Variants in GARNL3 observed in about 807,000 individuals in gnomAD.
The protein encoded by GARNL3 is GTPase activating Rap/RanGAP domain like 3, also known as GTPase-activating Rap/Ran-GAP domain-like protein 3.
Under a neutral mutation model 125.0 loss-of-function variants are expected in GARNL3, and 63 were observed. The observed-to-expected ratio is 0.50, with a 90% CI of 0.41 to 0.62. GARNL3 has a LOEUF of 0.62. GARNL3 is among the 20% of genes least tolerant of loss of function. GARNL3 has a pLI of 0.00. For missense variants in GARNL3, 994 were observed against 1,244.0 expected (o/e 0.80, Z 3.02); for synonymous variants, 439 against 457.5 (o/e 0.96, Z 0.52).
intron 2 of GARNL3, among the ~76,000 whole-genome samples, chr9:127,310,799 TTTGCCATTAAA>T (rs2065073936): frequency 6.6e-6 from 1 of 151,716 alleles, no homozygotes; most frequent in Non-Finnish European, 1.5e-5. Context: ...AAAAATACAT[TTTGCCATTAAA>T]TTGTAAGGAG....
chr9:127,263,782 G>T, upstream of GARNL3: 1 of 1,242,054 alleles, frequency 8.1e-7, no homozygotes. Context: ...TCTCATATAA[G>T]ATTAATTCAG....
intron 16 of GARNL3, among the ~76,000 whole-genome samples, chr9:127,347,880 C>T (rs369648571): frequency 5.9e-5 from 9 of 152,092 alleles, no homozygotes; most frequent in South Asian, 2.1e-4. Context: ...TTTTTGAGAC[C>T]GTGCATTTCC....
In GARNL3 at chr9:127,339,687, T is replaced by G; in HGVS notation, c.1071T>G (p.Pro357=). Residue 357 remains proline, a synonymous_variant, in exon 13 of 28, where the codon CCT becomes CCG. Coordinates refer to ENST00000373387, the MANE Select transcript of GARNL3 (RefSeq NM_032293.5). ...AAGAGAGCGTACCACTCTTTGGCCC[T>G]CCCTTGCCAACTCCACCAGTGTTTA... ...FSEESVPLFG[P]PLPTPPVFTD... The G allele has an allele frequency of 6.2e-7, 1 of 1,613,838 alleles. No homozygotes were observed. The highest frequency in any genetic ancestry group is 8.5e-7 in the Non-Finnish European group (1 of 1,179,684).
chr9:127,294,617 G>A (rs2064529442), intron 2 of GARNL3, among the ~76,000 whole-genome samples: 1 of 152,220 alleles, frequency 6.6e-6, no homozygotes, highest in Non-Finnish European at 1.5e-5. Context: ...TGCTTTTAAG[G>A]AGATGATTTT....
At chr9:127,274,753 A>G (rs2063910067) in intron 1 of GARNL3, among the ~76,000 whole-genome samples, 1 of 152,202 alleles carries the variant, frequency 6.6e-6, no homozygotes, top group South Asian at 2.1e-4. Context: ...ATCAATGTAT[A>G]ATAGTTTATT....
chr9:127,380,683 G>A (rs1832202552), intron 22 of GARNL3, among the ~76,000 whole-genome samples: 2 of 152,160 alleles, frequency 1.3e-5, no homozygotes, highest in Admixed American at 1.3e-4. Context: ...GACACAAAAG[G>A]CCACATGTTG....
intron 17 of GARNL3, among the ~76,000 whole-genome samples, chr9:127,351,763 A>T (rs1830435910): frequency 6.6e-6 from 1 of 152,352 alleles, no homozygotes; most frequent in African/African-American, 2.4e-5. Flanking sequence ...CTACTTTGAA[A>T]GGAAACTGAA....
rs964220057 is a variant in GARNL3, at chr9:127,227,697, G to A, written c.-29+3359G>A. On this transcript the variant is annotated intron_variant, in intron 1 of 10. Transcript: ENST00000439286. Reference sequence around the variant, plus strand: ...ATTGGGAGGCTGAGGCACGGGGACCGCTTGAGGCCTCAGGAGTTCAAGACT... The same window carrying A: ...ATTGGGAGGCTGAGGCACGGGGACCACTTGAGGCCTCAGGAGTTCAAGACT... Among the ~76,000 whole-genome samples, 6 of 152,002 alleles carry A rather than the reference G, an allele frequency of 3.9e-5. No homozygotes were observed. The South Asian group carries it at 8.3e-4, about 21-fold the overall frequency.
At chr9:127,289,517 G>A (rs2064351192) in intron 1 of GARNL3, among the ~76,000 whole-genome samples, 1 of 152,230 alleles carries the variant, frequency 6.6e-6, no homozygotes, top group African/African-American at 2.4e-5. Flanking sequence ...AGCACCGAGT[G>A]GAATGTTGCT....
chr9:127,293,002 AAATAT>A (rs1159144159), intron 2 of GARNL3, among the ~76,000 whole-genome samples: 1 of 152,224 alleles, frequency 6.6e-6, no homozygotes, highest in Non-Finnish European at 1.5e-5. Flanking sequence ...GCTTCTCTGG[AAATAT>A]AATATCAAGG....
intron 2 of GARNL3, among the ~76,000 whole-genome samples, chr9:127,244,489 G>C (rs1344744253): frequency 1.3e-5 from 2 of 152,158 alleles, no homozygotes; most frequent in African/African-American, 4.8e-5. Flanking sequence ...ATAGAAGTCT[G>C]CCCTGCCCCT....
chr9:127,348,985 G>C lies in GARNL3; in HGVS notation c.1493G>C (p.Trp498Ser). The change falls in exon 17 of 28, where the codon TGG (tryptophan) becomes TCG (serine). Residue 498 changes from tryptophan (W) to serine (S), a missense_variant. Coordinates refer to ENST00000373387, the MANE Select transcript of GARNL3 (RefSeq NM_032293.5). Reference sequence around the variant, plus strand: ...CATGAAGCCGTGTGTGCAGATCCCTGGGGCCAGGCCTTGCTGGTTTCCACT... The same window carrying C: ...CATGAAGCCGTGTGTGCAGATCCCTCGGGCCAGGCCTTGCTGGTTTCCACT... ...FPHEAVCADP[W>S]GQALLVSTDA... is the part of the protein sequence containing the mutation. 1.9e-6 allele frequency: 3 copies of C among 1,614,030 alleles called. No homozygotes were observed. Among genetic ancestry groups the C allele is most frequent in the Non-Finnish European group, 2.5e-6 (3 of 1,179,980 alleles).
chr9:127,242,017 T>C lies in GARNL3; in HGVS notation c.-28-1062T>C, dbSNP rs1285094525. On this transcript the variant is annotated intron_variant, in intron 1 of 10. Transcript: ENST00000439286. The surrounding 1 kb of genome is among the most constrained non-coding windows in gnomAD (Gnocchi z 4.6). ...GCCTTGGGTCTAACTGGCACCACTA[T>C]AGAACCTTCAGAGTGGCCAGTGCCT... is the stretch of plus-strand genomic sequence containing the variant. Among the ~76,000 whole-genome samples the C allele has an allele frequency of 6.6e-6, 1 of 152,072 alleles. No homozygotes were observed. The highest frequency in any genetic ancestry group is 1.5e-5 in the Non-Finnish European group (1 of 68,022).
At chr9:127,246,546 C>T (rs2063307242) in intron 2 of GARNL3, among the ~76,000 whole-genome samples, 1 of 152,088 alleles carries the variant, frequency 6.6e-6, no homozygotes, top group Admixed American at 6.5e-5. Context: ...TGGCTTATGC[C>T]CTTAATCCCA....
chr9:127,383,197 G>T (rs558469531), intron 22 of GARNL3, among the ~76,000 whole-genome samples: 6 of 152,236 alleles, frequency 3.9e-5, no homozygotes, highest in Non-Finnish European at 7.3e-5. Context: ...TTAAAGCTCA[G>T]TGCCTGGCAC....
intron 22 of GARNL3, among the ~76,000 whole-genome samples, chr9:127,371,977 G>A (rs977619850): frequency 6.6e-6 from 1 of 152,152 alleles, no homozygotes; most frequent in African/African-American, 2.4e-5. Context: ...TTGTTGCCCA[G>A]GCTGAAGTTC....
At chr9:127,296,259 G>C (rs1373581600) in intron 2 of GARNL3, among the ~76,000 whole-genome samples, 1 of 152,028 alleles carries the variant, frequency 6.6e-6, no homozygotes, top group Non-Finnish European at 1.5e-5. Flanking sequence ...CAATACCAGG[G>C]GTTGGTCTGT....
At position 127,383,512 on chromosome 9, in the gene GARNL3, C is replaced by T; in HGVS notation, c.2236C>T (p.Gln746Ter). 3 of 1,613,622 alleles carry T rather than the reference C, an allele frequency of 1.9e-6. No individual in the cohort carries two copies. Among genetic ancestry groups the T allele is most frequent in the Non-Finnish European group, 1.7e-6 (2 of 1,179,782 alleles). ...FLVQPSASDFQFCWNQAPYAI... is the reference protein window; with the variant it reads ...FLVQPSASDF ...GGTTCAACCTTCTGCGTCAGATTTC[C>T]AGTTCTGTTGGAACCAGGCTCCCTA... The change falls in exon 23 of 28, where the codon CAG becomes TAG. Residue 746 changes from glutamine (Q) to a stop codon, truncating the protein, a stop_gained. Transcript: ENST00000373387. LOFTEE classifies it high-confidence loss of function.
Position 127,355,354 on chromosome 9 carries a change from C to T in GARNL3, c.1817C>T (p.Ala606Val). Residue 606 changes from alanine to valine, a missense_variant, in exon 20 of 28, where the codon GCA becomes GTA. By Grantham distance (64) the Ala-to-Val change is moderately conservative. This residue lies in a region of GARNL3 where 728 missense variants were observed against 865.7 expected (regional missense o/e 0.84). Coordinates refer to ENST00000373387, the MANE Select transcript of GARNL3 (RefSeq NM_032293.5). ...HHSRELRIVVAIRNKLLLITR... is the reference protein window; with the variant it reads ...HHSRELRIVVVIRNKLLLITR... ...AGCAGAGAGCTGAGGATTGTGGTTG[C>T]AATTCGGAATAAACTGCTTCTGATC... 1.9e-6 allele frequency: 3 copies of T among 1,614,208 alleles called. No homozygotes were observed. The highest frequency in any genetic ancestry group is 3.3e-5 in the Admixed American group (2 of 60,024).
Sources: allele counts gnomAD v4.1 joint callset (sites outside exome capture counted in the v4.1 genomes callset), GRCh38; gene constraint gnomAD v4.1.1; regional missense constraint gnomAD v4.1.1; non-coding constraint Gnocchi (gnomAD v3.1); transcripts MANE v1.5; gene names NCBI Gene and HGNC (gene_info 2026-07-23, HGNC 2026-07-21).